Variants in VPS13B observed in about 807,000 individuals in gnomAD.
VPS13B encodes the protein intermembrane lipid transfer protein VPS13B.
Under a neutral mutation model 426.4 loss-of-function variants are expected in VPS13B, and 285 were observed. The ratio of observed to expected loss-of-function variants is 0.67; its 90% CI spans 0.61 to 0.74. The LOEUF is 0.74. VPS13B is among the 30% of genes least tolerant of loss of function. The pLI is 0.00. For missense variants in VPS13B, 4,537 were observed against 4,782.6 expected (o/e 0.95, Z 1.51); for synonymous variants, 1,676 against 1,676.4 (o/e 1.00, Z 0.01).
intron 36 of VPS13B, among the ~76,000 whole-genome samples, chr8:99,708,500 G>A (rs1832578737): frequency 6.6e-6 from 1 of 151,802 alleles, no homozygotes; most frequent in Admixed American, 6.6e-5. Flanking sequence ...ATTTTCTTAT[G>A]TCCAAACAAA....
At chr8:99,779,101 C>A in intron 42 of VPS13B, 70 bp downstream of exon 42, 1 of 1,378,436 alleles carries the variant, frequency 7.3e-7, no homozygotes, top group Non-Finnish European at 1.0e-6. Flanking sequence ...TATGCTATCA[C>A]TTCTGATAAT....
chr8:99,088,424 A>G (rs906556807), intron 3 of VPS13B, among the ~76,000 whole-genome samples: 3 of 152,184 alleles, frequency 2.0e-5, no homozygotes, highest in Admixed American at 6.5e-5. Context: ...GAGACTGAGA[A>G]GATAATAGTG....
chr8:99,823,404 G>C (rs1814490878), intron 50 of VPS13B, among the ~76,000 whole-genome samples: 1 of 152,102 alleles, frequency 6.6e-6, no homozygotes, highest in African/African-American at 2.4e-5. Context: ...AACTCTCCTT[G>C]GTTCATCATA....
At chr8:99,149,423 C>T (rs1810931962) in intron 14 of VPS13B, among the ~76,000 whole-genome samples, 1 of 152,128 alleles carries the variant, frequency 6.6e-6, no homozygotes. Context: ...GTTCATGCAA[C>T]TTTCCTGTCT....
chr8:99,659,797 T>C (rs903728779), intron 34 of VPS13B, among the ~76,000 whole-genome samples: 11 of 152,202 alleles, frequency 7.2e-5, no homozygotes, highest in African/African-American at 2.7e-4. Flanking sequence ...CTCTATTAGA[T>C]CACTGTTTTA....
chr8:99,719,742 A>C (rs962470000), intron 37 of VPS13B, among the ~76,000 whole-genome samples: 2 of 152,160 alleles, frequency 1.3e-5, no homozygotes, highest in African/African-American at 4.8e-5. Context: ...TAGAGGAAAC[A>C]CTAAGTCCTT....
intron 30 of VPS13B, among the ~76,000 whole-genome samples, chr8:99,554,955 T>A (rs1006732948): frequency 6.6e-6 from 1 of 152,110 alleles, no homozygotes; most frequent in Non-Finnish European, 1.5e-5. Context: ...TTTTTCTAAG[T>A]TAGAAAGGAG....
intron 5 of VPS13B, among the ~76,000 whole-genome samples, chr8:99,106,458 A>AAAAC (rs916502382): frequency 2.7e-4 from 39 of 144,740 alleles, no homozygotes; most frequent in Non-Finnish European, 1.2e-4. Context: ...AAAAAAACCC[A>AAAAC]AAACAAACAA....
chr8:99,662,900 A>T (rs1830296673), intron 35 of VPS13B, among the ~76,000 whole-genome samples: 1 of 152,148 alleles, frequency 6.6e-6, no homozygotes, highest in Non-Finnish European at 1.5e-5. Flanking sequence ...TAACAATAAA[A>T]ATAAAAAATT....
intron 28 of VPS13B, among the ~76,000 whole-genome samples, chr8:99,510,336 G>T (rs1821719035): frequency 6.6e-6 from 1 of 152,028 alleles, no homozygotes; most frequent in Admixed American, 6.6e-5. Flanking sequence ...TAATCATCTG[G>T]CCTATTCAGA....
At chr8:99,821,073 G>C (rs375824629) in intron 49 of VPS13B, among the ~76,000 whole-genome samples, 1 of 135,450 alleles carries the variant, frequency 7.4e-6, no homozygotes, top group Non-Finnish European at 1.6e-5. Context: ...TACATTGGGA[G>C]CCAAAATAGA....
At chr8:99,600,849 CT>C (rs1373719784) in intron 33 of VPS13B, among the ~76,000 whole-genome samples, 1 of 152,116 alleles carries the variant, frequency 6.6e-6, no homozygotes, top group African/African-American at 2.4e-5. Context: ...TGGAAGGCCC[CT>C]GATTGGCATC....
At chr8:99,352,836 A>G (rs964731061) in intron 19 of VPS13B, among the ~76,000 whole-genome samples, 1 of 151,494 alleles carries the variant, frequency 6.6e-6, no homozygotes, top group African/African-American at 2.4e-5. Flanking sequence ...AAAAAAAAAC[A>G]AACAAACAAA....
intron 25 of VPS13B, among the ~76,000 whole-genome samples, chr8:99,493,348 G>T (rs1820716897): frequency 1.3e-5 from 2 of 152,064 alleles, no homozygotes; most frequent in South Asian, 4.1e-4. Context: ...CTAGAAAACT[G>T]TTTTCATTTG....
chr8:99,336,219 A>G (rs1243345289), intron 19 of VPS13B, among the ~76,000 whole-genome samples: 1 of 152,060 alleles, frequency 6.6e-6, no homozygotes, highest in Non-Finnish European at 1.5e-5. Flanking sequence ...GCATATCTAC[A>G]ACTATCTGAT....
At chr8:99,358,002 TCACACACACACA>T (rs34418547) in intron 19 of VPS13B, among the ~76,000 whole-genome samples, 1 of 144,310 alleles carries the variant, frequency 6.9e-6, no homozygotes, top group African/African-American at 2.5e-5. Context: ...GGATTAAATA[TCACACACACACA>T]CACACACACA....
intron 3 of VPS13B, among the ~76,000 whole-genome samples, chr8:99,084,560 A>G (rs899871839): frequency 2.6e-5 from 4 of 152,238 alleles, no homozygotes; most frequent in East Asian, 1.9e-4. Context: ...TGTCAATTTT[A>G]GATCTTTCCT....
intron 19 of VPS13B, among the ~76,000 whole-genome samples, chr8:99,312,999 G>A (rs1248754152): frequency 2.0e-5 from 3 of 152,158 alleles, no homozygotes; most frequent in South Asian, 4.1e-4. Context: ...TAGTTCTCGT[G>A]CCATGTTTGT....
intron 42 of VPS13B, among the ~76,000 whole-genome samples, chr8:99,781,030 A>T (rs1269916070): frequency 1.3e-5 from 2 of 152,184 alleles, no homozygotes; most frequent in African/African-American, 4.8e-5. Flanking sequence ...TTAGTTCTCC[A>T]CATACCTTTT....
Sources: gnomAD v4.1 joint callset for allele counts (sites outside exome capture counted in the v4.1 genomes callset) on GRCh38, gnomAD v4.1.1 for gene constraint, MANE v1.5 for transcripts, NCBI Gene and HGNC (gene_info 2026-07-23, HGNC 2026-07-21) for gene names.